The following PEAK1 variants were observed in gnomAD, a reference collection of about 807,000 sequenced individuals.
PEAK1 encodes pseudopodium enriched atypical kinase 1.
PEAK1 carries 54 observed loss-of-function variants against 124.7 expected under a neutral mutation model. The ratio of observed to expected loss-of-function variants is 0.43; its 90% CI spans 0.35 to 0.54. PEAK1 has a LOEUF of 0.54. PEAK1 is among the 20% of genes least tolerant of loss of function. The probability of loss-of-function intolerance (pLI) is 0.01; values close to 1 mark genes in which losing one functional copy is unlikely to be tolerated. For missense variants in PEAK1, 2,046 were observed against 2,134.5 expected (o/e 0.96, Z 0.82); for synonymous variants, 719 against 760.0 (o/e 0.95, Z 0.89).
chr15:77,356,332 A>G (rs2067516032), intron 2 of PEAK1, among the ~76,000 whole-genome samples: 1 of 152,180 alleles, frequency 6.6e-6, no homozygotes, highest in South Asian at 2.1e-4. Context: ...AGATCATTCA[A>G]CTGGCAAAAT....
intron 2 of PEAK1, among the ~76,000 whole-genome samples, chr15:77,319,441 T>C (rs1170813227): frequency 6.6e-6 from 1 of 152,218 alleles, no homozygotes; most frequent in Non-Finnish European, 1.5e-5. Flanking sequence ...TAATCACTGA[T>C]TTTTAAAGTT....
chr15:77,417,513 C>T, intron 1 of PEAK1: 3 of 984,880 alleles, frequency 3.0e-6, no homozygotes, highest in Non-Finnish European at 3.6e-6. Flanking sequence ...CAGCAAATGA[C>T]AGAATAACGC....
intron 8 of PEAK1, chr15:77,157,277 A>C (rs1043239876): frequency 9.9e-5 from 15 of 152,216 alleles, no homozygotes; most frequent in African/African-American, 3.6e-4. Context: ...CTGGTTTCCA[A>C]ACAGTCTAAG....
Position 77,179,263 on chromosome 15 carries a change from C to A in PEAK1, c.2664G>T (p.Arg888Ser), listed in dbSNP as rs763328810. ...TTGGCTTGGTCCAGTTGGTGAAATG[C>A]CTCTGCAAAAGGTTACCTGCATGGT... The part of the protein sequence containing the change: ...SPYHAGNLLQ[R>S]HFTNWTKPTS... The change falls in exon 7 of 10, where the codon AGG becomes AGT. Residue 888 changes from arginine to serine, a missense_variant. Physicochemically the swap from Arg to Ser is moderately radical, Grantham distance 110. Transcript: ENST00000682557. 1.7e-5 allele frequency: 28 copies of A among 1,613,950 alleles called. No individual in the cohort carries two copies. The South Asian group carries it at 2.7e-4, about 16-fold the overall frequency.
intron 1 of PEAK1, chr15:77,381,142 A>G: frequency 1.2e-6 from 1 of 849,122 alleles, no homozygotes; most frequent in Non-Finnish European, 1.4e-6. Context: ...TAATGGAGTA[A>G]CATGCTAAAA....
At chr15:77,277,052 G>T (rs1315931355) in intron 5 of PEAK1, among the ~76,000 whole-genome samples, 1 of 151,998 alleles carries the variant, frequency 6.6e-6, no homozygotes, top group African/African-American at 2.4e-5. Context: ...TTAAAACACT[G>T]AATTCTAAAA....
At chr15:77,412,934 T>C (rs1379284757) in intron 1 of PEAK1, among the ~76,000 whole-genome samples, 1 of 152,050 alleles carries the variant, frequency 6.6e-6, no homozygotes, top group South Asian at 2.1e-4. Flanking sequence ...CTGGAATAAT[T>C]TGAGCAACAA....
chr15:77,371,364 A>G (rs1383959608), intron 1 of PEAK1: 4 of 923,132 alleles, frequency 4.3e-6, no homozygotes, highest in Non-Finnish European at 5.2e-6. Context: ...TAGAGAGAAG[A>G]TAAGGAACAT....
At chr15:77,368,054 T>C (rs1398635758) in intron 1 of PEAK1, among the ~76,000 whole-genome samples, 1 of 152,226 alleles carries the variant, frequency 6.6e-6, no homozygotes, top group Non-Finnish European at 1.5e-5. Context: ...ATTATCTGTT[T>C]ACCTAATCTT....
chr15:77,412,322 T>G (rs2072480539), intron 1 of PEAK1, among the ~76,000 whole-genome samples: 1 of 152,208 alleles, frequency 6.6e-6, no homozygotes, highest in Non-Finnish European at 1.5e-5. Flanking sequence ...ATTAGACATC[T>G]CAAAAACTTA....
intron 6 of PEAK1, chr15:77,205,245 A>AT (rs34117093): frequency 0.73 from 112,717 of 154,044 alleles, 41,753 homozygotes; most frequent in African/African-American, 0.81. Flanking sequence ...ATCTCATCCC[A>AT]TTTTTTTTTT....
intron 2 of PEAK1, among the ~76,000 whole-genome samples, chr15:77,291,073 TAACA>T (rs2063186662): frequency 6.6e-6 from 1 of 152,246 alleles, no homozygotes; most frequent in Non-Finnish European, 1.5e-5. Flanking sequence ...CTTTGAAGTG[TAACA>T]GTCAATGCAT....
rs1296552076 is a variant in PEAK1 at position 77,323,204 on chromosome 15, TC to T, written c.-602-36701del. On this transcript the variant is annotated intron_variant, in intron 2 of 9. Transcript: ENST00000682557. ...CTGAATGGGCAAAAACTGGAAGCGT[TC>T]CCTTTGAAAACTGGCACAAGACAGG... 4.6e-5 allele frequency among the ~76,000 whole-genome samples: 7 copies of T among 152,284 alleles called. No individual in the cohort carries two copies. The East Asian group carries it at 9.7e-4, about 21-fold the overall frequency.
At chr15:77,160,091 T>C (rs570341466) in intron 7 of PEAK1, among the ~76,000 whole-genome samples, 1 of 151,832 alleles carries the variant, frequency 6.6e-6, no homozygotes, top group African/African-American at 2.4e-5. Flanking sequence ...GCATACTGCC[T>C]CTTCTCGATG....
chr15:77,358,625 A>G (rs542050818), intron 2 of PEAK1, among the ~76,000 whole-genome samples: 1 of 152,352 alleles, frequency 6.6e-6, no homozygotes, highest in East Asian at 1.9e-4. Context: ...TGAAAATGAC[A>G]AAGTCCCTGA....
chr15:77,214,759 A>G (rs1233213141), intron 6 of PEAK1, among the ~76,000 whole-genome samples: 1 of 152,196 alleles, frequency 6.6e-6, no homozygotes, highest in Non-Finnish European at 1.5e-5. Flanking sequence ...GCACATATTC[A>G]TATGGCCAGC....
intron 5 of PEAK1, among the ~76,000 whole-genome samples, chr15:77,257,686 A>C (rs982664392): frequency 1.3e-5 from 2 of 151,404 alleles, no homozygotes; most frequent in Non-Finnish European, 2.9e-5. Flanking sequence ...TTGCCTGTTC[A>C]CTCTGATGGT....
At chr15:77,203,500 G>T (rs1006324210) in intron 6 of PEAK1, among the ~76,000 whole-genome samples, 1 of 152,072 alleles carries the variant, frequency 6.6e-6, no homozygotes, top group Non-Finnish European at 1.5e-5. Flanking sequence ...AAAATTGGAG[G>T]ACTGACATTA....
At chr15:77,331,064 T>C (rs1330373968) in intron 2 of PEAK1, 2 of 811,518 alleles carry the variant, frequency 2.5e-6, no homozygotes, top group Non-Finnish European at 3.0e-6. Flanking sequence ...TGCATAGCAT[T>C]CCATTATAGA....
Sources: allele counts gnomAD v4.1 joint callset (sites outside exome capture counted in the v4.1 genomes callset), GRCh38; gene constraint gnomAD v4.1.1; transcripts MANE v1.5; gene names NCBI Gene and HGNC (gene_info 2026-07-23, HGNC 2026-07-21).